The following DCC variants were observed in gnomAD, a reference collection of about 807,000 sequenced individuals.
The protein encoded by DCC is DCC netrin 1 receptor.
In DCC, 58 loss-of-function variants were observed where a neutral mutation model predicts 172.5. That is an observed-to-expected ratio of 0.34 (90% CI 0.27 to 0.42). The LOEUF (loss-of-function observed/expected upper bound fraction) is 0.42. Ranked by LOEUF, DCC falls within the 10% of genes least tolerant of loss-of-function variation. DCC has a pLI of 1.00. For missense variants in DCC, 1,740 were observed against 1,791.0 expected (o/e 0.97, Z 0.51); for synonymous variants, 709 against 644.5 (o/e 1.10, Z -1.52).
chr18:53,005,342 G>GT (rs1439455547), intron 5 of DCC, among the ~76,000 whole-genome samples: 1 of 151,966 alleles, frequency 6.6e-6, no homozygotes, highest in Non-Finnish European at 1.5e-5. Context: ...TATATTATAG[G>GT]TAAGTAAGCC....
At chr18:53,419,989 G>A (rs1385720166) in intron 21 of DCC, among the ~76,000 whole-genome samples, 4 of 152,138 alleles carry the variant, frequency 2.6e-5, no homozygotes, top group African/African-American at 9.6e-5. Flanking sequence ...GAGTAACTGG[G>A]ATTACAAGTG....
chr18:52,456,131 GT>G (rs1198711022), intron 1 of DCC, among the ~76,000 whole-genome samples: 1 of 151,970 alleles, frequency 6.6e-6, no homozygotes, highest in Non-Finnish European at 1.5e-5. Flanking sequence ...ACAGATTTCT[GT>G]TTTATATTTA....
At chr18:53,215,917 T>C (rs1320980694) in intron 12 of DCC, among the ~76,000 whole-genome samples, 1 of 152,216 alleles carries the variant, frequency 6.6e-6, no homozygotes, top group Admixed American at 6.5e-5. Flanking sequence ...TTCACCAGTC[T>C]ATCATATAGC....
chr18:53,203,961 C>A (rs138588960), intron 9 of DCC, among the ~76,000 whole-genome samples: 124 of 152,162 alleles, frequency 8.1e-4, no homozygotes, highest in African/African-American at 2.9e-3. Context: ...AAAATGGAAG[C>A]TTTTTCTTAA....
intron 2 of DCC, among the ~76,000 whole-genome samples, chr18:52,828,974 G>T (rs1273105010): frequency 1.3e-5 from 2 of 152,192 alleles, no homozygotes; most frequent in Non-Finnish European, 2.9e-5. Flanking sequence ...TTTCAGCTAT[G>T]TATATGGTCA....
intron 1 of DCC, among the ~76,000 whole-genome samples, chr18:52,730,966 C>T (rs1272243144): frequency 6.6e-6 from 1 of 152,066 alleles, no homozygotes; most frequent in Admixed American, 6.6e-5. Context: ...ACAATACCAC[C>T]CAATAAAAGA....
At chr18:52,917,456 G>C (rs905725138) in intron 3 of DCC, among the ~76,000 whole-genome samples, 34 of 152,154 alleles carry the variant, frequency 2.2e-4, no homozygotes, top group Non-Finnish European at 7.3e-5. Context: ...ATTTTCAAAA[G>C]CACAAAAGTT....
At chr18:53,288,749 TC>T (rs1359727267) in intron 12 of DCC, among the ~76,000 whole-genome samples, 2 of 152,160 alleles carry the variant, frequency 1.3e-5, no homozygotes, top group Admixed American at 6.5e-5. Context: ...TTCTAACTGT[TC>T]TTAAGTTGGA....
rs2046148500 is a variant in DCC, at chr18:53,504,713, A to AAAAT, written c.4111+5209_4111+5212dup. Among the ~76,000 whole-genome samples, 3 of 152,214 alleles carry AAAAT rather than the reference A, an allele frequency of 2.0e-5. No homozygotes were observed. In the South Asian group the frequency reaches 6.2e-4, roughly 32 times the overall value. On this transcript the variant is annotated intron_variant, in intron 27 of 28. Transcript: ENST00000442544. The stretch of plus-strand genomic sequence containing the variant: ...ATTAGTATTTCCTCTGAGGTTTTAG[A>AAAAT]AAATAAATATTAATAGGAAAAGAGC...
At chr18:52,782,368 C>T (rs1485226684) in intron 2 of DCC, among the ~76,000 whole-genome samples, 1 of 150,246 alleles carries the variant, frequency 6.7e-6, no homozygotes, top group Non-Finnish European at 1.5e-5. Flanking sequence ...GATTCTGAGA[C>T]ACGTGCTTAT....
intron 2 of DCC, among the ~76,000 whole-genome samples, chr18:52,888,758 T>C (rs1469744074): frequency 1.3e-5 from 2 of 152,046 alleles, no homozygotes; most frequent in Admixed American, 6.6e-5. Flanking sequence ...TTTAATAGTT[T>C]ACCATATATT....
At chr18:52,530,285 T>C (rs1238727470) in intron 1 of DCC, among the ~76,000 whole-genome samples, 1 of 152,068 alleles carries the variant, frequency 6.6e-6, no homozygotes, top group African/African-American at 2.4e-5. Context: ...ATTTTTTGGA[T>C]GTGGAGCTGT....
intron 23 of DCC, 125 bp downstream of exon 23, chr18:53,450,787 C>A: frequency 1.2e-6 from 1 of 836,060 alleles, no homozygotes; most frequent in Non-Finnish European, 2.0e-6. Context: ...CCTGGCAAAA[C>A]CTTGCGTTTT....
intron 7 of DCC, among the ~76,000 whole-genome samples, chr18:53,074,203 A>G (rs1039183651): frequency 6.6e-6 from 1 of 152,182 alleles, no homozygotes; most frequent in Non-Finnish European, 1.5e-5. Context: ...TGTTTAGTGT[A>G]GGATCAAATT....
chr18:53,431,519 G>A (rs757865150), intron 21 of DCC, among the ~76,000 whole-genome samples: 21 of 150,080 alleles, frequency 1.4e-4, no homozygotes, highest in Non-Finnish European at 2.1e-4. Context: ...CCAGAGTCTT[G>A]CTTTATCGCC....
At position 52,461,984 on chromosome 18, in the gene DCC, C is replaced by G. The variant is rs185919443; in HGVS notation, c.91+121106C>G. On this transcript the variant is annotated intron_variant, in intron 1 of 28. Coordinates refer to ENST00000442544, the MANE Select transcript of DCC (RefSeq NM_005215.4). ...TCTCTGAGTTGGAGGAAACTCAGTC[C>G]TTTCAATTGCTTAGGGCAAAACTTT... Among the ~76,000 whole-genome samples, 365 of 152,260 alleles carry G rather than the reference C, an allele frequency of 2.4e-3. 4 individuals carry two copies. The highest frequency in any genetic ancestry group is 0.02 in the Admixed American group (303 of 15,292).
chr18:52,777,770 G>GGGAAAAAA (rs369140038), intron 2 of DCC, among the ~76,000 whole-genome samples: 16 of 138,794 alleles, frequency 1.2e-4, no homozygotes, highest in African/African-American at 3.3e-4. Flanking sequence ...GATCTCCAGG[G>GGGAAAAAA]AAAAAAAAAG....
chr18:52,714,278 C>T lies in DCC; in HGVS notation c.92-37776C>T, dbSNP rs185622515. Among the ~76,000 whole-genome samples the T allele has an allele frequency of 3.3e-5, 5 of 152,280 alleles. No individual in the cohort carries two copies. The East Asian group carries it at 7.7e-4, about 24-fold the overall frequency. On this transcript the variant is annotated intron_variant, in intron 1 of 28. Transcript: ENST00000442544. ...CAAACTTTCATAGCAAATACATTTT[C>T]ATAGCAAATACACTTTGGGGCCAGA...
At chr18:53,403,000 C>T (rs1215865515) in intron 19 of DCC, 107 bp downstream of exon 19, 1 of 814,436 alleles carries the variant, frequency 1.2e-6, no homozygotes, top group African/African-American at 1.7e-5. Flanking sequence ...TCTGTCCCTA[C>T]ATCTCAGCTG....
Sources: gnomAD v4.1 joint callset for allele counts (sites outside exome capture counted in the v4.1 genomes callset) on GRCh38, gnomAD v4.1.1 for gene constraint, MANE v1.5 for transcripts, NCBI Gene and HGNC (gene_info 2026-07-23, HGNC 2026-07-21) for gene names.